The following PCSK2 variants were observed in gnomAD, a reference collection of about 807,000 sequenced individuals.
PCSK2 encodes neuroendocrine convertase 2.
A neutral mutation model predicts 69.7 loss-of-function variants in PCSK2; 14 were observed. That is an observed-to-expected ratio of 0.20 (90% CI 0.13 to 0.31). The LOEUF is 0.31. Among genes scored for constraint, PCSK2 ranks in the 10% least tolerant of loss-of-function variants. The probability of loss-of-function intolerance (pLI) is 1.00; values close to 1 mark genes in which losing one functional copy is unlikely to be tolerated. For missense variants in PCSK2, 544 were observed against 842.5 expected, an observed-to-expected ratio of 0.65 and a Z score of 4.39; for synonymous variants, 307 against 320.7, an observed-to-expected ratio of 0.96 and a Z score of 0.46.
intron 6 of PCSK2, among the ~76,000 whole-genome samples, chr20:17,424,389 AG>A (rs2032199764): frequency 6.6e-6 from 1 of 152,236 alleles, no homozygotes. Flanking sequence ...CAGCAAATTT[AG>A]TACACTTGTT....
At chr20:17,378,104 A>G (rs970831948) in intron 5 of PCSK2, among the ~76,000 whole-genome samples, 1 of 152,232 alleles carries the variant, frequency 6.6e-6, no homozygotes, top group African/African-American at 2.4e-5. Flanking sequence ...ATGTAAGTAT[A>G]TAATTACATT....
In PCSK2 at chr20:17,379,758, A is replaced by G. The variant is rs183844753; in HGVS notation, c.543+10481A>G. Among the ~76,000 whole-genome samples the G allele has an allele frequency of 8.0e-4, 122 of 152,264 alleles. 1 individual carries two copies. The highest frequency in any genetic ancestry group is 2.0e-3 in the Admixed American group (30 of 15,282). On this transcript the variant is annotated intron_variant, in intron 5 of 11. Coordinates refer to ENST00000262545, the MANE Select transcript of PCSK2 (RefSeq NM_002594.5). ...ATTGCATTATATGGCAGAGTTAGAG[A>G]TTTTTTTCAGATGTCATCAAGGCGC...
At chr20:17,396,651 G>A (rs1220922606) in intron 5 of PCSK2, among the ~76,000 whole-genome samples, 2 of 150,434 alleles carry the variant, frequency 1.3e-5, no homozygotes, top group African/African-American at 4.9e-5. Flanking sequence ...GTCTCACTGT[G>A]TTGCCCAAGC....
intron 1 of PCSK2, among the ~76,000 whole-genome samples, chr20:17,255,304 G>T (rs2122986075): frequency 6.6e-6 from 1 of 151,990 alleles, no homozygotes; most frequent in Middle Eastern, 3.4e-3. Context: ...GTTTTTCATA[G>T]ATAGATTTAT....
chr20:17,462,997 G>T (rs2033038530), intron 10 of PCSK2, among the ~76,000 whole-genome samples: 1 of 152,176 alleles, frequency 6.6e-6, no homozygotes, highest in Non-Finnish European at 1.5e-5. Context: ...GAAGGAACCT[G>T]GTTTTACTCT....
chr20:17,453,313 C>T lies in PCSK2; in HGVS notation c.886-429C>T, dbSNP rs559557797. ...GAAAAATTATATGTCCATATACTTG[C>T]ATTTTCACTAAAAAATGTCTGATAC... is the stretch of plus-strand genomic sequence containing the variant. On this transcript the variant is annotated intron_variant, in intron 8 of 11. Coordinates refer to ENST00000262545, the MANE Select transcript of PCSK2 (RefSeq NM_002594.5). The surrounding 1 kb of genome is among the most constrained non-coding windows in gnomAD (Gnocchi z 4.0). 6.6e-6 allele frequency among the ~76,000 whole-genome samples: 1 copy of T among 152,208 alleles called. No homozygotes were observed. The highest frequency in any genetic ancestry group is 1.9e-4 in the East Asian group (1 of 5,192).
In PCSK2 at chr20:17,284,740, A is replaced by T. The variant is rs147985117; in HGVS notation, c.282+24396A>T. ...GATTTAACCATAGGGCCACCAAATG[A>T]GGAAGAGGGAGGGAAAATCAAATCT... On this transcript the variant is annotated intron_variant, in intron 2 of 11. Transcript: ENST00000262545. 2.8e-3 allele frequency among the ~76,000 whole-genome samples: 424 copies of T among 152,294 alleles called. 3 individuals carry two copies. Among genetic ancestry groups the T allele is most frequent in the Non-Finnish European group, 4.6e-3 (313 of 68,026 alleles).
At chr20:17,451,196 T>A (rs988311034) in intron 8 of PCSK2, among the ~76,000 whole-genome samples, 1 of 152,250 alleles carries the variant, frequency 6.6e-6, no homozygotes, top group Non-Finnish European at 1.5e-5. Flanking sequence ...AAATTAACGT[T>A]TGCTGTTTAC....
intron 8 of PCSK2, among the ~76,000 whole-genome samples, chr20:17,451,240 C>G (rs1010849351): frequency 2.0e-5 from 3 of 152,214 alleles, no homozygotes; most frequent in Non-Finnish European, 2.9e-5. Flanking sequence ...GACAATTGCT[C>G]TCTGTGTAAC....
intron 10 of PCSK2, among the ~76,000 whole-genome samples, chr20:17,462,366 G>A (rs1379069993): frequency 6.6e-6 from 1 of 152,190 alleles, no homozygotes; most frequent in African/African-American, 2.4e-5. Flanking sequence ...TCACTGTACA[G>A]AAGAATCATT....
At chr20:17,457,538 T>G (rs1393784253) in intron 10 of PCSK2, among the ~76,000 whole-genome samples, 1 of 152,220 alleles carries the variant, frequency 6.6e-6, no homozygotes, top group African/African-American at 2.4e-5. Flanking sequence ...AAACTTTGAC[T>G]CTTCTAACAA....
intron 2 of PCSK2, among the ~76,000 whole-genome samples, chr20:17,337,238 A>C (rs1990380113): frequency 6.6e-6 from 1 of 152,242 alleles, no homozygotes; most frequent in South Asian, 2.1e-4. Flanking sequence ...CTTGCCTCAA[A>C]GAACAACAAA....
intron 2 of PCSK2, among the ~76,000 whole-genome samples, chr20:17,352,478 A>T (rs1206254472): frequency 6.6e-6 from 1 of 152,250 alleles, no homozygotes; most frequent in Non-Finnish European, 1.5e-5. Flanking sequence ...TCAAAGCAGC[A>T]TGGTAGTGGT....
At chr20:17,439,960 A>G (rs961901418) in intron 8 of PCSK2, among the ~76,000 whole-genome samples, 2 of 152,200 alleles carry the variant, frequency 1.3e-5, no homozygotes, top group Non-Finnish European at 2.9e-5. Flanking sequence ...GAAGGGGCTC[A>G]TCTCTCAGAA....
intron 8 of PCSK2, among the ~76,000 whole-genome samples, chr20:17,451,044 AC>A (rs1969985076): frequency 6.6e-6 from 1 of 152,146 alleles, no homozygotes; most frequent in Non-Finnish European, 1.5e-5. Context: ...GAAGCCAGAG[AC>A]TTTTTGGTGC....
At position 17,366,635 on chromosome 20, in the gene PCSK2, T is replaced by C. The variant is rs114808470; in HGVS notation, c.506-2605T>C. 2.9e-3 allele frequency among the ~76,000 whole-genome samples: 445 copies of C among 152,342 alleles called. 3 individuals carry two copies. Among genetic ancestry groups the C allele is most frequent in the African/African-American group, 0.01 (427 of 41,588 alleles). ...CAAATATACAAAAATATAAAAGTAC[T>C]ATCTAGTTACCAAATTACTATTTTC... On this transcript the variant is annotated intron_variant, in intron 4 of 11. Transcript: ENST00000262545.
At chr20:17,399,112 G>A (rs914829822) in intron 5 of PCSK2, among the ~76,000 whole-genome samples, 2 of 152,228 alleles carry the variant, frequency 1.3e-5, no homozygotes, top group African/African-American at 4.8e-5. Flanking sequence ...AACAGTCTAT[G>A]GAATGAAAAG....
intron 1 of PCSK2, among the ~76,000 whole-genome samples, chr20:17,236,345 T>C (rs1466462636): frequency 6.6e-6 from 1 of 152,144 alleles, no homozygotes; most frequent in African/African-American, 2.4e-5. Flanking sequence ...TTGTGTCTCA[T>C]ATTTAGGAGT....
In PCSK2 at chr20:17,409,320, A is replaced by G; in HGVS notation, c.601A>G (p.Thr201Ala). 1 of 1,613,486 alleles carries G rather than the reference A, an allele frequency of 6.2e-7. No homozygotes were observed. Among genetic ancestry groups the G allele is most frequent in the Non-Finnish European group, 8.5e-7 (1 of 1,179,398 alleles). ...SNDPYPYPRY[T>A]DDWFNSHGTR... ...CGACCCCTATCCTTACCCTCGGTAC[A>G]CAGATGACTGGTTTAACAGGTAAAC... The change falls in exon 6 of 12, where the codon ACA becomes GCA. Residue 201 changes from threonine (T) to alanine (A), a missense_variant. Around this residue, in one of 3 missense-constraint regions of PCSK2, gnomAD observed 187 missense variants for 399.8 expected, o/e 0.47. Transcript: ENST00000262545.
Sources: allele counts gnomAD v4.1 joint callset (sites outside exome capture counted in the v4.1 genomes callset), GRCh38; gene constraint gnomAD v4.1.1; regional missense constraint gnomAD v4.1.1; non-coding constraint Gnocchi (gnomAD v3.1); transcripts MANE v1.5; gene names NCBI Gene and HGNC (gene_info 2026-07-23, HGNC 2026-07-21).